ERICH3: variants seen among roughly 807,000 people sequenced by gnomAD.
ERICH3 encodes the protein glutamate rich 3.
A neutral mutation model predicts 131.1 loss-of-function variants in ERICH3; 126 were observed. The observed-to-expected ratio is 0.96, with a 90% confidence interval of 0.83 to 1.11. The LOEUF (loss-of-function observed/expected upper bound fraction) is 1.11. Among genes scored for constraint, ERICH3 ranks in the 50% most tolerant of loss-of-function variants. The probability of loss-of-function intolerance (pLI) is 0.00; values close to 1 mark genes in which losing one functional copy is unlikely to be tolerated. For missense variants in ERICH3, 2,050 were observed against 1,810.7 expected (o/e 1.13, Z -2.40); for synonymous variants, 695 against 644.6 (o/e 1.08, Z -1.18).
chr1:74,586,471 C>G, intron 12 of ERICH3: 1 of 984,320 alleles, frequency 1.0e-6, no homozygotes, highest in South Asian at 4.7e-5. Context: ...GCGAGAAAGA[C>G]TTTCACTTTC....
At chr1:74,617,065 A>T (rs1276743312) in intron 8 of ERICH3, among the ~76,000 whole-genome samples, 2 of 152,092 alleles carry the variant, frequency 1.3e-5, no homozygotes, top group Non-Finnish European at 2.9e-5. Context: ...TAGCAATATA[A>T]TATTTTTTAA....
chr1:74,618,540 G>C (rs1649081931), intron 8 of ERICH3, among the ~76,000 whole-genome samples: 1 of 152,064 alleles, frequency 6.6e-6, no homozygotes, highest in Admixed American at 6.5e-5. Flanking sequence ...ACTTTATTTT[G>C]CACTTAAAAT....
intron 12 of ERICH3, chr1:74,579,337 G>T: frequency 5.6e-6 from 5 of 893,392 alleles, no homozygotes; most frequent in Non-Finnish European, 6.7e-6. Flanking sequence ...CAATTAGCAG[G>T]TACTGAACCA....
chr1:74,667,143 G>C (rs529429267), intron 1 of ERICH3, among the ~76,000 whole-genome samples: 2 of 151,714 alleles, frequency 1.3e-5, no homozygotes, highest in South Asian at 4.2e-4. Context: ...CTATTTTTTT[G>C]TGATGCCAAG....
chr1:74,606,292 A>G (rs369303781), intron 10 of ERICH3, among the ~76,000 whole-genome samples: 3 of 152,012 alleles, frequency 2.0e-5, no homozygotes, highest in South Asian at 4.1e-4. Context: ...AAATAGGTAA[A>G]ATTCTATTTG....
chr1:74,620,184 C>G (rs1649153275), intron 8 of ERICH3, among the ~76,000 whole-genome samples: 1 of 152,132 alleles, frequency 6.6e-6, no homozygotes, highest in Admixed American at 6.5e-5. Context: ...TTGCAAAAAC[C>G]TACATTGCAT....
intron 8 of ERICH3, among the ~76,000 whole-genome samples, chr1:74,618,150 A>T (rs1485199577): frequency 6.6e-6 from 1 of 152,136 alleles, no homozygotes; most frequent in Non-Finnish European, 1.5e-5. Flanking sequence ...TGAGAGAGAG[A>T]CTGTCTCTTA....
intron 10 of ERICH3, among the ~76,000 whole-genome samples, chr1:74,603,395 A>G (rs1170392262): frequency 1.3e-5 from 2 of 151,920 alleles, no homozygotes; most frequent in South Asian, 2.1e-4. Flanking sequence ...AAATTGAAGT[A>G]GTAATAATAC....
intron 7 of ERICH3, among the ~76,000 whole-genome samples, chr1:74,626,508 A>G (rs1649420688): frequency 6.6e-6 from 1 of 152,196 alleles, no homozygotes; most frequent in Non-Finnish European, 1.5e-5. Context: ...AAACTTTGTT[A>G]TTGGTTTCTA....
At chr1:74,657,875 G>T (rs1350250154) in intron 1 of ERICH3, among the ~76,000 whole-genome samples, 8 of 152,228 alleles carry the variant, frequency 5.3e-5, no homozygotes, top group African/African-American at 1.9e-4. Context: ...AATTGTAGCA[G>T]CTTGACAAAT....
rs1423292376 is a variant in ERICH3, at chr1:74,571,963, G to T, written c.3747C>A (p.Asp1249Glu). Residue 1249 changes from aspartate to glutamate, a missense_variant, in exon 14 of 15, where the codon GAC becomes GAA. Transcript: ENST00000326665. ...QAEELAAKDHDSCAGLEGRAE... is the reference protein window; with the variant it reads ...QAEELAAKDHESCAGLEGRAE... The stretch of plus-strand genomic sequence containing the variant: ...CTCTCCCCTCCAGTCCTGCGCAGGA[G>T]TCGTGATCTTTGGCTGCTAGCTCCT... 1.9e-6 allele frequency: 3 copies of T among 1,613,708 alleles called. No homozygotes were observed. Among genetic ancestry groups the T allele is most frequent in the African/African-American group, 2.7e-5 (2 of 74,918 alleles).
At chr1:74,585,628 A>G (rs572135109) in intron 12 of ERICH3, among the ~76,000 whole-genome samples, 2 of 152,260 alleles carry the variant, frequency 1.3e-5, no homozygotes, top group Middle Eastern at 3.4e-3. Context: ...CTTTAACATA[A>G]TAACAGCTTT....
chr1:74,639,621 A>T (rs1372845338), intron 5 of ERICH3, among the ~76,000 whole-genome samples: 1 of 152,176 alleles, frequency 6.6e-6, no homozygotes, highest in Non-Finnish European at 1.5e-5. Context: ...AGCATTTCTA[A>T]TTCTTAGTAG....
chr1:74,613,443 T>C (rs1209787966), intron 8 of ERICH3, among the ~76,000 whole-genome samples: 1 of 152,182 alleles, frequency 6.6e-6, no homozygotes, highest in Admixed American at 6.5e-5. Flanking sequence ...AATCCAAACA[T>C]CTCTGTAGAT....
chr1:74,645,785 C>T (rs1646477472), intron 3 of ERICH3, among the ~76,000 whole-genome samples: 1 of 152,026 alleles, frequency 6.6e-6, no homozygotes, highest in African/African-American at 2.4e-5. Context: ...ACAGATCATA[C>T]ACATCTTAAG....
chr1:74,633,820 G>A (rs1431548310), intron 6 of ERICH3, among the ~76,000 whole-genome samples: 1 of 151,908 alleles, frequency 6.6e-6, no homozygotes, highest in Non-Finnish European at 1.5e-5. Context: ...AATGGTGATA[G>A]ATATTTCCAT....
intron 1 of ERICH3, among the ~76,000 whole-genome samples, chr1:74,661,791 G>A (rs1241208465): frequency 6.6e-6 from 1 of 152,144 alleles, no homozygotes; most frequent in Non-Finnish European, 1.5e-5. Flanking sequence ...AAGAAAATAA[G>A]AAGCAGAAAT....
At chr1:74,630,199 A>T (rs775267292) in intron 7 of ERICH3, among the ~76,000 whole-genome samples, 2 of 152,182 alleles carry the variant, frequency 1.3e-5, no homozygotes, top group Admixed American at 1.3e-4. Context: ...TTTGCTAAGT[A>T]TGAGCCACAT....
At chr1:74,632,113 A>T (rs544339198) in intron 6 of ERICH3, among the ~76,000 whole-genome samples, 185 bp from the exon 7 acceptor site, 1 of 152,230 alleles carries the variant, frequency 6.6e-6, no homozygotes, top group East Asian at 1.9e-4. Flanking sequence ...CAAATTAAAA[A>T]TTCTAACCTT....
Sources: allele counts gnomAD v4.1 joint callset (sites outside exome capture counted in the v4.1 genomes callset), GRCh38; gene constraint gnomAD v4.1.1; transcripts MANE v1.5; gene names NCBI Gene and HGNC (gene_info 2026-07-23, HGNC 2026-07-21).